The following ZNF624 variants were observed in gnomAD, a reference collection of about 807,000 sequenced individuals.
ZNF624 encodes zinc finger protein 624.
In ZNF624, 43 loss-of-function variants were observed where a neutral mutation model predicts 74.7. The ratio of observed to expected loss-of-function variants is 0.58; its 90% confidence interval spans 0.45 to 0.74. The LOEUF (loss-of-function observed/expected upper bound fraction) is 0.74, where lower values mean the gene tolerates loss of function less well. Among genes scored for constraint, ZNF624 ranks in the 30% least tolerant of loss-of-function variants. The probability of loss-of-function intolerance (pLI) is 0.00; values close to 1 mark genes in which losing one functional copy is unlikely to be tolerated. For synonymous variants in ZNF624, 331 were observed against 341.3 expected (o/e 0.97, Z 0.33); for missense variants, 820 against 1,030.0 (o/e 0.80, Z 2.79).
chr17:16,641,200 A>T (rs1569046685), intron 3 of ZNF624, among the ~76,000 whole-genome samples: 1 of 152,226 alleles, frequency 6.6e-6, no homozygotes, highest in Non-Finnish European at 1.5e-5. Context: ...CCTCATACTT[A>T]ATGGTAAACA....
chr17:16,617,730 G>C (rs1908821919), downstream of ZNF624: 1 of 1,603,594 alleles, frequency 6.2e-7, no homozygotes, highest in African/African-American at 1.3e-5. Flanking sequence ...CTCGTAAAGG[G>C]CGTCGTCGGT....
chr17:16,624,187 C>A lies in ZNF624; in HGVS notation c.699G>T (p.Glu233Asp), dbSNP rs766195236. 1 of 1,614,060 alleles carries A rather than the reference C, an allele frequency of 6.2e-7. No individual in the cohort carries two copies. The highest frequency in any genetic ancestry group is 8.5e-7 in the Non-Finnish European group (1 of 1,180,028). The stretch of plus-strand genomic sequence containing the variant: ...GGGTATCTGTAATCAAATTTAAATT[C>A]TCTGTGAAATTTTCCTCTTGTGTTT... ...RCQTQEENFT[E>D]NLNLITDTHL... The change falls in exon 6 of 6, where the codon GAG (glutamate) becomes GAT (aspartate). Residue 233 changes from glutamate (E) to aspartate (D), a missense_variant. Physicochemically the swap from Glu to Asp is conservative, Grantham distance 45. Coordinates refer to ENST00000311331, the MANE Select transcript of ZNF624 (RefSeq NM_020787.4).
chr17:16,617,670 CG>C, downstream of ZNF624: 2 of 1,592,424 alleles, frequency 1.3e-6, no homozygotes, highest in Non-Finnish European at 1.7e-6. Flanking sequence ...ACGCGGGCCC[CG>C]GGCGTGCTCT....
chr17:16,636,286 C>T (rs1356386083), intron 3 of ZNF624, among the ~76,000 whole-genome samples: 1 of 152,106 alleles, frequency 6.6e-6, no homozygotes, highest in Non-Finnish European at 1.5e-5. Context: ...CTTACCTATG[C>T]AAAGTACATA....
At chr17:16,635,460 T>A (rs1321764051) in intron 3 of ZNF624, among the ~76,000 whole-genome samples, 1 of 151,852 alleles carries the variant, frequency 6.6e-6, no homozygotes, top group Admixed American at 6.6e-5. Context: ...CATGTAAATA[T>A]ATTATAAATG....
At chr17:16,617,672 G>GGCGTGCTCT, downstream of ZNF624, 1 of 1,606,360 alleles carries the variant, frequency 6.2e-7, no homozygotes, top group Non-Finnish European at 8.5e-7. Context: ...GCGGGCCCCG[G>GGCGTGCTCT]GCGTGCTCTA....
intron 5 of ZNF624, among the ~76,000 whole-genome samples, chr17:16,630,779 G>A (rs900957501): frequency 1.3e-5 from 2 of 151,968 alleles, no homozygotes; most frequent in African/African-American, 4.8e-5. Flanking sequence ...TTACCATACA[G>A]ATAACAATTA....
chr17:16,624,632 T>C, intron 5 of ZNF624, 123 bp from the exon 6 acceptor site: 1 of 929,990 alleles, frequency 1.1e-6, no homozygotes. Flanking sequence ...GCTTTCACAC[T>C]GACTTGTTTT....
chr17:16,616,661 G>A (rs1265549718), downstream of ZNF624, among the ~76,000 whole-genome samples: 1 of 152,156 alleles, frequency 6.6e-6, no homozygotes, highest in Non-Finnish European at 1.5e-5. Context: ...GAAGGGAGAG[G>A]GTCTTCATGC....
At chr17:16,628,063 C>T (rs886198082) in intron 5 of ZNF624, among the ~76,000 whole-genome samples, 4 of 152,136 alleles carry the variant, frequency 2.6e-5, no homozygotes, top group Non-Finnish European at 4.4e-5. Context: ...AGTTCGAGAC[C>T]AGACTGGGCA....
intron 3 of ZNF624, 25 bp from the exon 4 acceptor site, chr17:16,634,781 T>C (rs377088016): frequency 1.3e-6 from 2 of 1,595,398 alleles, no homozygotes; most frequent in African/African-American, 2.7e-5. Flanking sequence ...TTGTGATCAC[T>C]TAGAAACTAT....
At chr17:16,617,337 C>T, downstream of ZNF624, 1 of 1,613,632 alleles carries the variant, frequency 6.2e-7, no homozygotes, top group Non-Finnish European at 8.5e-7. Flanking sequence ...TTGTGCGTGG[C>T]TTATCTTCAA....
At chr17:16,629,197 CAAAAAAA>C (rs34250278) in intron 5 of ZNF624, among the ~76,000 whole-genome samples, 3 of 59,500 alleles carry the variant, frequency 5.0e-5, no homozygotes, top group Non-Finnish European at 1.0e-4. Context: ...GACTCCATCT[CAAAAAAA>C]AAAAAAAAAA....
Position 16,624,091 on chromosome 17 carries a change from C to T in ZNF624, c.795G>A (p.Leu265=). 1 of 1,614,044 alleles carries T rather than the reference C, an allele frequency of 6.2e-7. No homozygotes were observed. The highest frequency in any genetic ancestry group is 8.5e-7 in the Non-Finnish European group (1 of 1,179,986). ...KAIRQTSELT[L]GKKSNNKEKP... is the part of the protein sequence containing the mutation. ...TTTCCTTATTATTGGATTTTTTCCC[C>T]AAAGTTAGTTCTGAAGTCTGCCTTA... The change falls in exon 6 of 6, where the codon TTG becomes TTA. Residue 265 remains leucine, a synonymous_variant. Coordinates refer to ENST00000311331, the MANE Select transcript of ZNF624 (RefSeq NM_020787.4).
downstream of ZNF624, among the ~76,000 whole-genome samples, chr17:16,619,865 C>CA (rs981582309): frequency 2.0e-5 from 3 of 152,196 alleles, no homozygotes; most frequent in Non-Finnish European, 4.4e-5. Context: ...GAGGGACCAA[C>CA]AAAGTTGGCA....
chr17:16,646,125 A>G (rs1909588858), intron 3 of ZNF624, among the ~76,000 whole-genome samples: 1 of 152,164 alleles, frequency 6.6e-6, no homozygotes, highest in Admixed American at 6.5e-5. Flanking sequence ...TGCAGAATTT[A>G]GGGAAGAGCC....
At chr17:16,652,646 GA>G (rs1293543773) in intron 1 of ZNF624, among the ~76,000 whole-genome samples, 2 of 152,054 alleles carry the variant, frequency 1.3e-5, no homozygotes, top group Non-Finnish European at 2.9e-5. Context: ...GTAATGCATA[GA>G]AAAAAAGACT....
At position 16,651,592 on chromosome 17, in the gene ZNF624, A is replaced by G. The variant is rs117746026; in HGVS notation, c.-2-1846T>C. On this transcript the variant is annotated intron_variant, in intron 1 of 5. Transcript: ENST00000311331. ...TGGAGATAAAAGAGGTAAAGAAAGA[A>G]TAGTCTGAGGGGATTCCTGTATTGA... is the stretch of plus-strand genomic sequence containing the variant. Among the ~76,000 whole-genome samples the G allele has an allele frequency of 2.7e-3, 412 of 152,246 alleles. 15 individuals are homozygous for G. The East Asian group carries it at 0.071, about 26-fold the overall frequency.
chr17:16,637,537 G>T (rs1189092437), intron 3 of ZNF624, among the ~76,000 whole-genome samples: 2 of 152,114 alleles, frequency 1.3e-5, no homozygotes, highest in African/African-American at 4.8e-5. Flanking sequence ...CAATGGAACA[G>T]AACAGAGCCC....
Sources: gnomAD v4.1 joint callset for allele counts (sites outside exome capture counted in the v4.1 genomes callset) on GRCh38, gnomAD v4.1.1 for gene constraint, MANE v1.5 for transcripts, NCBI Gene and HGNC (gene_info 2026-07-23, HGNC 2026-07-21) for gene names.